The following OLFM3 variants were observed in gnomAD, a reference collection of about 807,000 sequenced individuals.
The protein encoded by OLFM3 is olfactomedin 3, also known as noelin-3.
OLFM3 carries 20 observed loss-of-function variants against 48.6 expected under a neutral mutation model. The observed-to-expected ratio is 0.41, with a 90% confidence interval of 0.29 to 0.60. The LOEUF (loss-of-function observed/expected upper bound fraction) is 0.60, where lower values mean the gene tolerates loss of function less well. Ranked by LOEUF, OLFM3 falls within the 20% of genes least tolerant of loss-of-function variation. The pLI, the probability that OLFM3 is intolerant of heterozygous loss-of-function variation, is 0.28. For synonymous variants in OLFM3, 222 were observed against 198.1 expected (o/e 1.12, Z -1.01); for missense variants, 437 against 544.3 (o/e 0.80, Z 1.96).
At chr1:101,980,754 A>T (rs1306940256) in intron 1 of OLFM3, among the ~76,000 whole-genome samples, 3 of 152,134 alleles carry the variant, frequency 2.0e-5, no homozygotes, top group Non-Finnish European at 2.9e-5. Flanking sequence ...TTTCTATTAT[A>T]ATTTGTGTCG....
chr1:101,863,431 G>C (rs1656736729), intron 1 of OLFM3, among the ~76,000 whole-genome samples: 1 of 152,152 alleles, frequency 6.6e-6, no homozygotes, highest in Non-Finnish European at 1.5e-5. Flanking sequence ...ACTTCAACTT[G>C]TATGTTTTAG....
At chr1:101,960,315 C>A (rs934769456) in intron 1 of OLFM3, among the ~76,000 whole-genome samples, 1 of 152,144 alleles carries the variant, frequency 6.6e-6, no homozygotes, top group African/African-American at 2.4e-5. Context: ...AGAACTCAGA[C>A]GCATTGTGAC....
At chr1:101,824,224 G>A (rs1252947224) in intron 4 of OLFM3, among the ~76,000 whole-genome samples, 2 of 151,872 alleles carry the variant, frequency 1.3e-5, no homozygotes, top group Non-Finnish European at 2.9e-5. Context: ...CTGTCATATC[G>A]CATCATGTCA....
intron 1 of OLFM3, among the ~76,000 whole-genome samples, chr1:101,983,020 A>G (rs765479424): frequency 6.6e-6 from 1 of 152,168 alleles, no homozygotes. Context: ...CCTTGTTTGG[A>G]GTTAAGATAA....
At chr1:101,845,430 C>T (rs1341327144) in intron 1 of OLFM3, among the ~76,000 whole-genome samples, 1 of 151,886 alleles carries the variant, frequency 6.6e-6, no homozygotes, top group Non-Finnish European at 1.5e-5. Flanking sequence ...AAAAAATATA[C>T]ATGTCAGAAT....
Position 101,967,590 on chromosome 1 carries a change from G to GAAAAAAAAAAAA in OLFM3, c.69+29146_69+29157dup, listed in dbSNP as rs71592233. 3.8e-4 allele frequency among the ~76,000 whole-genome samples: 17 copies of GAAAAAAAAAAAA among 44,580 alleles called. 1 individual carries two copies. The highest frequency in any genetic ancestry group is 1.8e-3 in the African/African-American group (17 of 9,240). The allele number at this position is 44,580 out of a possible 152,430, so 29.2% of individuals were successfully genotyped here. On this transcript the variant is annotated intron_variant, in intron 1 of 5. Transcript: ENST00000370103. ...CCTTTTTACTTCCATCCTAGTCAGT[G>GAAAAAAAAAAAA]AAAAAAAAAAAAAAAAAAAAAAAAG...
chr1:101,846,410 ATTGCAT>A (rs1170802021), intron 1 of OLFM3, among the ~76,000 whole-genome samples: 1 of 152,192 alleles, frequency 6.6e-6, no homozygotes, highest in Non-Finnish European at 1.5e-5. Flanking sequence ...AGTCACAGGC[ATTGCAT>A]TCCAAGGAAG....
intron 1 of OLFM3, among the ~76,000 whole-genome samples, chr1:101,899,750 C>G (rs116719884): frequency 0.013 from 1,909 of 151,932 alleles, 43 homozygotes; most frequent in African/African-American, 0.043. Flanking sequence ...ACTGTTTGAA[C>G]TTTCAATAAA....
chr1:101,877,215 T>G (rs963966183), intron 1 of OLFM3, among the ~76,000 whole-genome samples: 2 of 151,960 alleles, frequency 1.3e-5, no homozygotes, highest in Non-Finnish European at 2.9e-5. Flanking sequence ...GATTCGCAAG[T>G]TGAAACTTTT....
chr1:101,806,060 T>C lies in OLFM3; in HGVS notation c.699+16A>G. On this transcript the variant is annotated intron_variant, in intron 5 of 5. Transcript: ENST00000370103. ...GAACTTAATTCTAAGCAAAGGTGTT[T>C]GTGGGAGAAACATACTCTGTTGTTT... is the stretch of plus-strand genomic sequence containing the variant. The C allele has an allele frequency of 6.3e-7, 1 of 1,578,330 alleles. No individual in the cohort carries two copies. Among genetic ancestry groups the C allele is most frequent in the South Asian group, 1.1e-5 (1 of 90,268 alleles).
chr1:101,809,276 T>C (rs1002297705), intron 4 of OLFM3, among the ~76,000 whole-genome samples: 7 of 151,734 alleles, frequency 4.6e-5, no homozygotes, highest in Non-Finnish European at 1.0e-4. Context: ...TCTAAAAAAC[T>C]ACTGTGAAAT....
At chr1:101,822,333 T>C (rs1352062364) in intron 4 of OLFM3, among the ~76,000 whole-genome samples, 1 of 152,126 alleles carries the variant, frequency 6.6e-6, no homozygotes, top group Admixed American at 6.6e-5. Context: ...ATAACTGACA[T>C]ACGTTAGGTT....
chr1:101,895,479 C>G (rs989197523), intron 1 of OLFM3, among the ~76,000 whole-genome samples: 6 of 151,112 alleles, frequency 4.0e-5, no homozygotes, highest in Non-Finnish European at 8.9e-5. Flanking sequence ...TAAAATACAC[C>G]TAAATTCCAT....
At chr1:101,984,474 T>G (rs1042198111) in intron 1 of OLFM3, among the ~76,000 whole-genome samples, 1 of 151,264 alleles carries the variant, frequency 6.6e-6, no homozygotes, top group African/African-American at 2.4e-5. Flanking sequence ...CTTGGCTCAC[T>G]GCACCTCCGC....
chr1:101,830,660 A>T lies in OLFM3; in HGVS notation c.372+12T>A. 1 of 1,614,110 alleles carries T rather than the reference A, an allele frequency of 6.2e-7. No individual in the cohort carries two copies. The highest frequency in any genetic ancestry group is 8.5e-7 in the Non-Finnish European group (1 of 1,179,976). On this transcript the variant is annotated intron_variant, in intron 3 of 5. Coordinates refer to ENST00000370103, the MANE Select transcript of OLFM3 (RefSeq NM_058170.4). ...TGATTTGGATTGACAAGATTGCAGAAGTCAAACCTACCTGAAAATGCTTGG... is the reference window on the plus strand; with the variant it reads ...TGATTTGGATTGACAAGATTGCAGATGTCAAACCTACCTGAAAATGCTTGG...
chr1:101,832,246 G>T (rs1296262705), intron 2 of OLFM3, among the ~76,000 whole-genome samples: 1 of 152,176 alleles, frequency 6.6e-6, no homozygotes, highest in Non-Finnish European at 1.5e-5. Flanking sequence ...TCAGTAAAAA[G>T]TTATTTTCAT....
Position 101,928,457 on chromosome 1 carries a change from T to C in OLFM3, c.69+68291A>G, listed in dbSNP as rs997419744. Among the ~76,000 whole-genome samples the C allele has an allele frequency of 3.3e-5, 5 of 152,278 alleles. No individual in the cohort carries two copies. The East Asian group carries it at 7.7e-4, about 24-fold the overall frequency. ...CTTATCTACTTGTGTCTTCTTTTAC[T>C]AAGAGAGTGTTTTACTGGCAGTCTA... is the stretch of plus-strand genomic sequence containing the variant. On this transcript the variant is annotated intron_variant, in intron 1 of 5. Transcript: ENST00000370103.
rs184742755 is a variant in OLFM3 at position 101,840,168 on chromosome 1, C to T, written c.70-3143G>A. On this transcript the variant is annotated intron_variant, in intron 1 of 5. Transcript: ENST00000370103. The stretch of plus-strand genomic sequence containing the variant: ...GAAGTTTTTTGGAAAAGACTTGCTC[C>T]AATTTTAACATATAAGAACAATTAT... Among the ~76,000 whole-genome samples the T allele has an allele frequency of 2.0e-4, 30 of 152,150 alleles. 1 individual carries two copies. The East Asian group carries it at 5.8e-3, about 29-fold the overall frequency.
chr1:101,947,308 C>T (rs1659992398), intron 1 of OLFM3, among the ~76,000 whole-genome samples: 1 of 152,122 alleles, frequency 6.6e-6, no homozygotes, highest in Non-Finnish European at 1.5e-5. Context: ...AAAATAATTT[C>T]ATTTCCTTTT....
Sources: allele counts gnomAD v4.1 joint callset (sites outside exome capture counted in the v4.1 genomes callset), GRCh38; gene constraint gnomAD v4.1.1; transcripts MANE v1.5; gene names NCBI Gene and HGNC (gene_info 2026-07-23, HGNC 2026-07-21).